The following TENM3 variants were observed in gnomAD, a reference collection of about 807,000 sequenced individuals.
TENM3 encodes teneurin-3.
TENM3 carries 63 observed loss-of-function variants against 255.1 expected under a neutral mutation model. The observed-to-expected ratio is 0.25, with a 90% CI of 0.20 to 0.30. TENM3 has a LOEUF of 0.30. Ranked by LOEUF, TENM3 falls within the 10% of genes least tolerant of loss-of-function variation. The pLI is 1.00. For missense variants in TENM3, 2,929 were observed against 3,461.1 expected, an observed-to-expected ratio of 0.85 and a Z score of 3.86; for synonymous variants, 1,306 against 1,322.3, an observed-to-expected ratio of 0.99 and a Z score of 0.27.
chr4:181,536,098 TTGCTACTG>T, the TENM3 span, among the ~76,000 whole-genome samples: 1 of 152,234 alleles, frequency 6.6e-6, no homozygotes, highest in Admixed American at 6.5e-5. Flanking sequence ...TCCGACTTGT[TTGCTACTG>T]AATCCCATAT....
chr4:182,681,992 G>T lies in TENM3; in HGVS notation c.2013G>T (p.Trp671Cys). The T allele has an allele frequency of 6.2e-7, 1 of 1,613,856 alleles. No individual in the cohort carries two copies. The highest frequency in any genetic ancestry group is 8.5e-7 in the Non-Finnish European group (1 of 1,179,874). Residue 671 changes from tryptophan to cysteine, a missense_variant, in exon 11 of 28, where the codon TGG (tryptophan) becomes TGT (cysteine). Physicochemically the swap from Trp to Cys is radical, Grantham distance 215. This residue lies in a region of TENM3 where 1,608 missense variants were observed against 1,884.4 expected (regional missense o/e 0.85). Transcript: ENST00000511685. ...ESGSCTCDPNWTGPDCSNEIC... is the reference protein window; with the variant it reads ...ESGSCTCDPNCTGPDCSNEIC... ...GCTCCTGCACGTGTGACCCTAACTGGACTGGCCCAGACTGCTCAAACGGTG... is the reference window on the plus strand; with the variant it reads ...GCTCCTGCACGTGTGACCCTAACTGTACTGGCCCAGACTGCTCAAACGGTG...
chr4:181,579,564 A>G, the TENM3 span, among the ~76,000 whole-genome samples: 2 of 152,192 alleles, frequency 1.3e-5, no homozygotes, highest in African/African-American at 4.8e-5. Flanking sequence ...ATGATGAGTT[A>G]TGGGTTTCTT....
At chr4:182,048,171 T>C in the TENM3 span, among the ~76,000 whole-genome samples, 1 of 152,336 alleles carries the variant, frequency 6.6e-6, no homozygotes, top group Admixed American at 6.5e-5. Context: ...TTCCTTATTG[T>C]ACAAATTTAG....
chr4:182,615,623 T>C (rs1749433218), intron 4 of TENM3, among the ~76,000 whole-genome samples: 1 of 151,460 alleles, frequency 6.6e-6, no homozygotes, highest in Admixed American at 6.6e-5. Flanking sequence ...ACACGGTAGA[T>C]ACTTAAAAGT....
intron 22 of TENM3, among the ~76,000 whole-genome samples, chr4:182,760,153 T>TGTGTCTTCA (rs1763059550): frequency 6.6e-6 from 1 of 152,086 alleles, no homozygotes; most frequent in African/African-American, 2.4e-5. Context: ...ATGAAGACAC[T>TGTGTCTTCA]GTGTCTTCAG....
chr4:182,665,372 A>T (rs942381527), intron 6 of TENM3, among the ~76,000 whole-genome samples: 2 of 152,188 alleles, frequency 1.3e-5, no homozygotes, highest in African/African-American at 4.8e-5. Context: ...ATTACTTCTC[A>T]TTGACAATGT....
chr4:181,507,698 T>C, the TENM3 span, among the ~76,000 whole-genome samples: 1 of 152,374 alleles, frequency 6.6e-6, no homozygotes, highest in Middle Eastern at 3.4e-3. Flanking sequence ...GCAGATGGGT[T>C]CTTGAATAGC....
the TENM3 span, among the ~76,000 whole-genome samples, chr4:181,675,439 A>T: frequency 0.037 from 5,559 of 152,206 alleles, 309 homozygotes; most frequent in African/African-American, 0.13. Flanking sequence ...AACTTTTATT[A>T]TGATTATTAC....
At chr4:182,229,905 G>T (rs368341444) in intron 1 of TENM3, among the ~76,000 whole-genome samples, 1 of 152,082 alleles carries the variant, frequency 6.6e-6, no homozygotes, top group African/African-American at 2.4e-5. Context: ...AGGCACTGTC[G>T]TTAGTTATCT....
At chr4:182,008,564 G>A in the TENM3 span, among the ~76,000 whole-genome samples, 2 of 151,824 alleles carry the variant, frequency 1.3e-5, no homozygotes, top group Non-Finnish European at 2.9e-5. Flanking sequence ...AAATTCTCGT[G>A]CTATGTTTTT....
intron 3 of TENM3, among the ~76,000 whole-genome samples, chr4:182,366,157 A>T (rs1388144114): frequency 2.0e-5 from 3 of 152,022 alleles, no homozygotes; most frequent in Non-Finnish European, 4.4e-5. Context: ...CCCTTAATCT[A>T]TTTGTAAATA....
chr4:182,402,033 CA>C (rs1769245628), intron 3 of TENM3, among the ~76,000 whole-genome samples: 1 of 152,170 alleles, frequency 6.6e-6, no homozygotes, highest in Non-Finnish European at 1.5e-5. Flanking sequence ...GACAAATAGT[CA>C]GAGGTCATAA....
rs182745211 is a variant in TENM3 at position 182,797,230 on chromosome 4, G to A, written c.7344+463G>A. On this transcript the variant is annotated intron_variant, in intron 27 of 27. Transcript: ENST00000511685. ...CGAGGAGGTCGGATCACCTGAGGTC[G>A]GGAGTTCGAGACCAGCCTGACCAAC... 3.2e-3 allele frequency among the ~76,000 whole-genome samples: 485 copies of A among 152,068 alleles called. 3 individuals carry two copies. The highest frequency in any genetic ancestry group is 0.011 in the African/African-American group (457 of 41,490).
At chr4:181,915,317 T>G in the TENM3 span, among the ~76,000 whole-genome samples, 2 of 152,182 alleles carry the variant, frequency 1.3e-5, no homozygotes, top group African/African-American at 2.4e-5. Flanking sequence ...GCACATTCCC[T>G]TGGATTCAGA....
the TENM3 span, among the ~76,000 whole-genome samples, chr4:181,898,885 G>A: frequency 3.9e-5 from 6 of 151,986 alleles, no homozygotes; most frequent in East Asian, 1.9e-4. Context: ...CTTTTATTTC[G>A]TTTTTTACTG....
chr4:182,234,332 A>G (rs988218984), intron 1 of TENM3, among the ~76,000 whole-genome samples: 7 of 152,160 alleles, frequency 4.6e-5, no homozygotes, highest in Admixed American at 1.3e-4. Flanking sequence ...CCTGCCCCAC[A>G]CCTACTGCTA....
Position 182,365,470 on chromosome 4 carries a change from G to A in TENM3, c.511+18541G>A, listed in dbSNP as rs186421369. 2.1e-3 allele frequency among the ~76,000 whole-genome samples: 322 copies of A among 152,354 alleles called. 1 individual carries two copies. The highest frequency in any genetic ancestry group is 7.4e-3 in the African/African-American group (308 of 41,590). On this transcript the variant is annotated intron_variant, in intron 3 of 27. Coordinates refer to ENST00000511685, the MANE Select transcript of TENM3 (RefSeq NM_001080477.4). Reference sequence around the variant, plus strand: ...AATGGTGAAGAACAGGTGTACGTGAGCTGGGGCACAGGCCCAATGTGTGGT... The same window carrying A: ...AATGGTGAAGAACAGGTGTACGTGAACTGGGGCACAGGCCCAATGTGTGGT...
At chr4:181,838,383 G>A in the TENM3 span, among the ~76,000 whole-genome samples, 2 of 152,122 alleles carry the variant, frequency 1.3e-5, no homozygotes, top group Non-Finnish European at 2.9e-5. Context: ...CAAAAGAATT[G>A]ATGTGTTAAT....
At chr4:182,494,539 C>T (rs1284439680) in intron 3 of TENM3, among the ~76,000 whole-genome samples, 1 of 152,074 alleles carries the variant, frequency 6.6e-6, no homozygotes, top group Non-Finnish European at 1.5e-5. Flanking sequence ...CACTGGGGGT[C>T]TTGGAAGGTA....
Sources: gnomAD v4.1 joint callset for allele counts (sites outside exome capture counted in the v4.1 genomes callset) on GRCh38, gnomAD v4.1.1 for gene constraint, gnomAD v4.1.1 regional missense constraint, MANE v1.5 for transcripts, NCBI Gene and HGNC (gene_info 2026-07-23, HGNC 2026-07-21) for gene names.